PRKAG2: variants seen among roughly 807,000 people sequenced by gnomAD.
PRKAG2 encodes protein kinase AMP-activated non-catalytic subunit gamma 2.
A neutral mutation model predicts 69.6 loss-of-function variants in PRKAG2; 26 were observed. The observed-to-expected ratio is 0.37, with a 90% CI of 0.27 to 0.52. PRKAG2 has a LOEUF of 0.52. Ranked by LOEUF, PRKAG2 falls within the 20% of genes least tolerant of loss-of-function variation. The pLI is 0.90. For synonymous variants in PRKAG2, 293 were observed against 285.0 expected (o/e 1.03, Z -0.28); for missense variants, 557 against 740.0 (o/e 0.75, Z 2.87).
intron 1 of PRKAG2, among the ~76,000 whole-genome samples, chr7:151,840,530 C>T (rs1434641328): frequency 6.6e-6 from 1 of 152,092 alleles, no homozygotes; most frequent in Non-Finnish European, 1.5e-5. Context: ...GCACCTGTCC[C>T]GAGGCCCCAA....
intron 4 of PRKAG2, among the ~76,000 whole-genome samples, chr7:151,652,326 C>T (rs1358750592): frequency 6.6e-6 from 1 of 152,116 alleles, no homozygotes; most frequent in Non-Finnish European, 1.5e-5. Flanking sequence ...TGGCAACAGA[C>T]CGGGTGCTGA....
chr7:151,783,459 G>A (rs1002845021), intron 2 of PRKAG2, among the ~76,000 whole-genome samples: 2 of 151,844 alleles, frequency 1.3e-5, no homozygotes, highest in African/African-American at 4.8e-5. Context: ...TCCTACCTCA[G>A]CCTCCTGAGT....
chr7:151,825,629 C>G (rs1108845), intron 1 of PRKAG2, among the ~76,000 whole-genome samples: 6 of 152,274 alleles, frequency 3.9e-5, no homozygotes, highest in Non-Finnish European at 7.4e-5. Flanking sequence ...ACATTTGAAG[C>G]CTGTTTTTTC....
chr7:151,781,071 G>A lies in PRKAG2; in HGVS notation c.466+81C>T, dbSNP rs369344150. ...CTGCTCACAGCCACCTGGCAGCTTC[G>A]GTGCCACCGTGGATGTGTGGCTGCA... is the stretch of plus-strand genomic sequence containing the variant. On this transcript the variant is annotated intron_variant, in intron 3 of 15. Coordinates refer to ENST00000287878, the MANE Select transcript of PRKAG2 (RefSeq NM_016203.4). This position sits in a 1 kb window ranked among gnomAD's most constrained non-coding sequence, Gnocchi z 6.1. 1.1e-5 allele frequency: 17 copies of A among 1,584,474 alleles called. No individual in the cohort carries two copies. The African/African-American group carries it at 1.5e-4, about 14-fold the overall frequency.
In PRKAG2 at chr7:151,614,989, A is replaced by C. The variant is rs1181888312; in HGVS notation, c.754+17080T>G. Among the ~76,000 whole-genome samples the C allele has an allele frequency of 6.6e-6, 1 of 152,170 alleles. No individual in the cohort carries two copies. The highest frequency in any genetic ancestry group is 2.4e-5 in the African/African-American group (1 of 41,462). ...ATGGATCCAGAGGGAACCTCGAGAG[A>C]GGAGCCGTGTGGATCCAGAGGGAAC... On this transcript the variant is annotated intron_variant, in intron 5 of 15. Transcript: ENST00000287878. This position sits in a 1 kb window ranked among gnomAD's most constrained non-coding sequence, Gnocchi z 4.4.
chr7:151,688,323 T>C (rs1174093559), intron 3 of PRKAG2, among the ~76,000 whole-genome samples: 1 of 152,254 alleles, frequency 6.6e-6, no homozygotes, highest in African/African-American at 2.4e-5. Context: ...GAAATGTCAT[T>C]CTAACCTTGA....
chr7:151,565,156 T>C (rs1805953071), intron 13 of PRKAG2, among the ~76,000 whole-genome samples, 190 bp downstream of exon 13: 1 of 152,232 alleles, frequency 6.6e-6, no homozygotes, highest in Non-Finnish European at 1.5e-5. Context: ...TAATATATAA[T>C]TGGTTGCTAA....
intron 3 of PRKAG2, among the ~76,000 whole-genome samples, chr7:151,710,126 G>A (rs540827435): frequency 3.3e-5 from 5 of 152,280 alleles, no homozygotes; most frequent in South Asian, 2.1e-4. Flanking sequence ...CAGAAGGGCC[G>A]GCCTTTGGGA....
chr7:151,874,920 C>T (rs1402471307), intron 1 of PRKAG2, among the ~76,000 whole-genome samples: 1 of 152,080 alleles, frequency 6.6e-6, no homozygotes, highest in South Asian at 2.1e-4. Flanking sequence ...AAGAGTTTTC[C>T]CATGAATTAC....
intron 9 of PRKAG2, among the ~76,000 whole-genome samples, chr7:151,571,445 G>A (rs1044800170): frequency 6.6e-5 from 10 of 152,194 alleles, no homozygotes; most frequent in Admixed American, 1.3e-4. Flanking sequence ...CTGATCTCAA[G>A]TGATCCACCT....
intron 5 of PRKAG2, among the ~76,000 whole-genome samples, chr7:151,628,402 T>C (rs1823549280): frequency 6.6e-6 from 1 of 152,090 alleles, no homozygotes; most frequent in Non-Finnish European, 1.5e-5. Context: ...ATTACAAATG[T>C]AAAAAGCAAA....
intron 4 of PRKAG2, 90 bp downstream of exon 4, chr7:151,675,330 C>A: frequency 7.7e-7 from 1 of 1,297,214 alleles, no homozygotes; most frequent in South Asian, 1.2e-5. Context: ...TCAGCCTCGG[C>A]TGCAGATAGA....
At chr7:151,718,281 G>T (rs1217857179) in intron 3 of PRKAG2, among the ~76,000 whole-genome samples, 2 of 152,078 alleles carry the variant, frequency 1.3e-5, no homozygotes, top group East Asian at 1.9e-4. Context: ...TGGGTGGAGG[G>T]GGGGGTAGAG....
intron 5 of PRKAG2, among the ~76,000 whole-genome samples, chr7:151,610,740 T>TC (rs1472388364): frequency 1.4e-3 from 17 of 11,986 alleles, no homozygotes; most frequent in African/African-American, 3.8e-3. Context: ...TTTTCTTTTC[T>TC]TTTTTTTTTT....
chr7:151,760,223 T>C (rs1465942863), intron 3 of PRKAG2, among the ~76,000 whole-genome samples: 1 of 147,880 alleles, frequency 6.8e-6, no homozygotes, highest in Non-Finnish European at 1.5e-5. Context: ...CTTACTTCTT[T>C]GAGAGAGAGC....
intron 3 of PRKAG2, among the ~76,000 whole-genome samples, chr7:151,758,833 G>A (rs951673608): frequency 7.2e-5 from 11 of 152,200 alleles, no homozygotes; most frequent in Non-Finnish European, 1.6e-4. Context: ...TCAGGGCTCT[G>A]GCAGATTGCT....
chr7:151,866,942 G>T (rs2080094200), intron 1 of PRKAG2, among the ~76,000 whole-genome samples: 1 of 151,930 alleles, frequency 6.6e-6, no homozygotes, highest in African/African-American at 2.4e-5. Flanking sequence ...AAGAGGAAGT[G>T]CTCTGGACAG....
chr7:151,829,958 G>C lies in PRKAG2; in HGVS notation c.115-43417C>G, dbSNP rs921772207. Among the ~76,000 whole-genome samples, 59 of 151,720 alleles carry C rather than the reference G, an allele frequency of 3.9e-4. 1 individual carries two copies. The highest frequency in any genetic ancestry group is 1.3e-3 in the African/African-American group (54 of 41,384). On this transcript the variant is annotated intron_variant, in intron 1 of 15. Transcript: ENST00000287878. ...CACCCCCCTGAGGCCATCTGACAAT[G>C]AGCCTGCCTCCATTGGTCATTAGTG... is the stretch of plus-strand genomic sequence containing the variant.
At chr7:151,844,466 C>T (rs1434853445) in intron 1 of PRKAG2, among the ~76,000 whole-genome samples, 1 of 152,178 alleles carries the variant, frequency 6.6e-6, no homozygotes, top group East Asian at 1.9e-4. Flanking sequence ...AAAAACCCTC[C>T]CACCTGGGTG....
Sources: gnomAD v4.1 joint callset for allele counts (sites outside exome capture counted in the v4.1 genomes callset) on GRCh38, gnomAD v4.1.1 for gene constraint, Gnocchi (gnomAD v3.1) non-coding constraint, MANE v1.5 for transcripts, NCBI Gene and HGNC (gene_info 2026-07-23, HGNC 2026-07-21) for gene names.